Variants in TBC1D8 observed in about 807,000 individuals in gnomAD.
The protein encoded by TBC1D8 is TBC1 domain family member 8.
Under a neutral mutation model 118.8 loss-of-function variants are expected in TBC1D8, and 65 were observed. That is an observed-to-expected ratio of 0.55 (90% CI 0.45 to 0.67). TBC1D8 has a LOEUF of 0.67. Among genes scored for constraint, TBC1D8 ranks in the 30% least tolerant of loss-of-function variants. The pLI, the probability that TBC1D8 is intolerant of heterozygous loss-of-function variation, is 0.00. For missense variants in TBC1D8, 1,376 were observed against 1,471.2 expected (o/e 0.94, Z 1.06); for synonymous variants, 566 against 595.8 (o/e 0.95, Z 0.73).
chr2:101,050,250 G>T, intron 5 of TBC1D8, 151 bp downstream of exon 5: 1 of 1,149,102 alleles, frequency 8.7e-7, no homozygotes, highest in Non-Finnish European at 1.2e-6. Flanking sequence ...TCTCTGTCGA[G>T]ATTAACGACA....
intron 1 of TBC1D8, among the ~76,000 whole-genome samples, chr2:101,113,819 T>C (rs531980445): frequency 6.6e-6 from 1 of 152,264 alleles, no homozygotes; most frequent in Non-Finnish European, 1.5e-5. Flanking sequence ...AAACGGTTGC[T>C]CTGCGGCGGA....
At position 101,019,007 on chromosome 2, in the gene TBC1D8, TA is replaced by T. The variant is rs773286932; in HGVS notation, c.2827+2673del. Reference sequence around the variant, plus strand: ...AATATTTCTGTGCTAGTTTCTGTGCTAAACAGTGTTACAGTCGCCAAGAGCC... The same window carrying T: ...AATATTTCTGTGCTAGTTTCTGTGCTAACAGTGTTACAGTCGCCAAGAGCC... On this transcript the variant is annotated intron_variant, in intron 17 of 19. Coordinates refer to ENST00000409318, the MANE Select transcript of TBC1D8 (RefSeq NM_001330348.2). 5.5e-5 allele frequency: 88 copies of T among 1,612,600 alleles called. No homozygotes were observed. The highest frequency in any genetic ancestry group is 7.0e-5 in the Non-Finnish European group (82 of 1,179,444).
In TBC1D8 at chr2:101,007,837, T is replaced by C; in HGVS notation, c.3452A>G (p.Lys1151Arg). 1 of 1,613,780 alleles carries C rather than the reference T, an allele frequency of 6.2e-7. No individual in the cohort carries two copies. Among genetic ancestry groups the C allele is most frequent in the Non-Finnish European group, 8.5e-7 (1 of 1,179,836 alleles). The part of the protein sequence containing the change: ...EMSHQSQSEL[K>R]LSNL ...GCTGTCTTGCTACAAGTTACTCAGC[T>C]TAAGTTCAGATTGTGATTGGTGGCT... Residue 1151 changes from lysine (K) to arginine (R), a missense_variant, in exon 20 of 20, where the codon AAG becomes AGG. Coordinates refer to ENST00000409318, the MANE Select transcript of TBC1D8 (RefSeq NM_001330348.2).
Position 101,038,619 on chromosome 2 carries a change from G to A in TBC1D8, c.1117C>T (p.Leu373=), listed in dbSNP as rs1241939385. The change falls in exon 7 of 20, where the codon CTG becomes TTG. Residue 373 remains leucine, a synonymous_variant. Coordinates refer to ENST00000409318, the MANE Select transcript of TBC1D8 (RefSeq NM_001330348.2). ...ATACTGACAATGATGGGATGCGGCAGCAGGCTCGTGTCCTCCATCTTCTCG... is the reference window on the plus strand; with the variant it reads ...ATACTGACAATGATGGGATGCGGCAACAGGCTCGTGTCCTCCATCTTCTCG... ...SIEKMEDTSL[L]PHPIIVSIRS... is the part of the protein sequence containing the mutation. The A allele has an allele frequency of 1.2e-6, 2 of 1,613,892 alleles. No homozygotes were observed. The highest frequency in any genetic ancestry group is 2.7e-5 in the African/African-American group (2 of 74,944).
At chr2:101,066,578 A>G (rs574746996) in intron 2 of TBC1D8, among the ~76,000 whole-genome samples, 1 of 152,330 alleles carries the variant, frequency 6.6e-6, no homozygotes, top group East Asian at 1.9e-4. Flanking sequence ...CAAAAATATT[A>G]TGGGTTCAGT....
chr2:101,011,621 T>C lies in TBC1D8; in HGVS notation c.2828-81A>G, dbSNP rs537620745. Reference sequence around the variant, plus strand: ...ACAGTAATGTAGCTTTCTAGGCAACTAAAGGCTAAGCCAGCAGCTCCCAGC... The same window carrying C: ...ACAGTAATGTAGCTTTCTAGGCAACCAAAGGCTAAGCCAGCAGCTCCCAGC... On this transcript the variant is annotated intron_variant, in intron 17 of 19. Transcript: ENST00000409318. 1.2e-3 allele frequency: 1,821 copies of C among 1,468,340 alleles called. 19 individuals carry two copies. Among genetic ancestry groups the C allele is most frequent in the Middle Eastern group, 0.01 (58 of 5,752 alleles). The allele number at this position is 1,468,340 out of a possible 1,614,324, so 91.0% of individuals were successfully genotyped here. A position where few individuals can be genotyped will look rare whatever the true frequency, so the allele number is the denominator to read the frequency against.
At chr2:101,114,302 C>T (rs377257790) in intron 1 of TBC1D8, among the ~76,000 whole-genome samples, 1 of 152,080 alleles carries the variant, frequency 6.6e-6, no homozygotes, top group East Asian at 1.9e-4. Context: ...ACTACAGAAG[C>T]TTTCTCAAGT....
At chr2:101,124,901 A>G (rs1470964469) in intron 1 of TBC1D8, among the ~76,000 whole-genome samples, 1 of 152,234 alleles carries the variant, frequency 6.6e-6, no homozygotes, top group African/African-American at 2.4e-5. Flanking sequence ...CAGAAGGCCA[A>G]GTACCCACCA....
At chr2:101,039,960 G>C (rs1438268278) in intron 6 of TBC1D8, among the ~76,000 whole-genome samples, 1 of 152,094 alleles carries the variant, frequency 6.6e-6, no homozygotes, top group Non-Finnish European at 1.5e-5. Context: ...GCAAATTTCA[G>C]GATGCCATAG....
chr2:101,011,048 AT>A (rs753598194), intron 18 of TBC1D8, 22 bp from the exon 19 acceptor site: 94 of 1,602,398 alleles, frequency 5.9e-5, no homozygotes, highest in Non-Finnish European at 6.6e-5. Flanking sequence ...GGAAAACAAT[AT>A]GTGGTTTAAT....
At chr2:101,134,361 T>A (rs1257767696) in intron 1 of TBC1D8, among the ~76,000 whole-genome samples, 1 of 152,044 alleles carries the variant, frequency 6.6e-6, no homozygotes, top group African/African-American at 2.4e-5. Flanking sequence ...TAAGTTAGAG[T>A]CTTTATAAAT....
At chr2:101,019,074 C>T in intron 17 of TBC1D8, 3 of 1,597,482 alleles carry the variant, frequency 1.9e-6, no homozygotes, top group Non-Finnish European at 2.6e-6. Flanking sequence ...GGCCTTGGGT[C>T]TCGGCTCTTC....
intron 17 of TBC1D8, among the ~76,000 whole-genome samples, chr2:101,017,085 A>T (rs1396828999): frequency 9.9e-6 from 1 of 100,902 alleles, no homozygotes; most frequent in Non-Finnish European, 2.5e-5. Flanking sequence ...AAAAAAAAAA[A>T]AAAAAGACAA....
At chr2:101,028,238 C>A in intron 13 of TBC1D8, 65 bp downstream of exon 13, 1 of 1,590,674 alleles carries the variant, frequency 6.3e-7, no homozygotes, top group South Asian at 1.1e-5. Context: ...CCACATCCAT[C>A]CCCCAGTCAC....
intron 17 of TBC1D8, among the ~76,000 whole-genome samples, chr2:101,012,538 G>A (rs1679296293): frequency 1.3e-5 from 2 of 152,006 alleles, no homozygotes; most frequent in African/African-American, 2.4e-5. Flanking sequence ...TACACTGGTA[G>A]TGAGAGCTAA....
Position 101,022,369 on chromosome 2 carries a change from G to T in TBC1D8, c.2673C>A (p.His891Gln). 1.9e-6 allele frequency: 3 copies of T among 1,613,478 alleles called. No homozygotes were observed. Among genetic ancestry groups the T allele is most frequent in the Non-Finnish European group, 1.7e-6 (2 of 1,179,712 alleles). ...QLVSPWTCGAHTEILAERTFR... is the reference protein window; with the variant it reads ...QLVSPWTCGAQTEILAERTFR... Reference sequence around the variant, plus strand: ...ACGTCCTTTCGGCGAGGATCTCCGTGTGGGCCCCGCAGGTCCAGGGCGAGA... The same window carrying T: ...ACGTCCTTTCGGCGAGGATCTCCGTTTGGGCCCCGCAGGTCCAGGGCGAGA... The change falls in exon 16 of 20, where the codon CAC becomes CAA. Residue 891 changes from histidine to glutamine, a missense_variant. Transcript: ENST00000409318.
intron 1 of TBC1D8, among the ~76,000 whole-genome samples, chr2:101,095,299 G>A (rs1402572610): frequency 7.5e-6 from 1 of 134,104 alleles, no homozygotes; most frequent in Non-Finnish European, 1.7e-5. Flanking sequence ...TGTGCACAAT[G>A]TGCAGGTTTG....
intron 1 of TBC1D8, among the ~76,000 whole-genome samples, chr2:101,133,306 T>C (rs1678680033): frequency 6.6e-6 from 1 of 152,098 alleles, no homozygotes; most frequent in African/African-American, 2.4e-5. Flanking sequence ...CACTGCCAAA[T>C]GCTTCTGGGA....
intron 2 of TBC1D8, among the ~76,000 whole-genome samples, chr2:101,069,765 C>CTTTGAACCAAAT (rs1241998069): frequency 3.9e-5 from 6 of 152,082 alleles, no homozygotes; most frequent in Non-Finnish European, 5.9e-5. Flanking sequence ...AGCAGTTAAA[C>CTTTGAACCAAAT]TTTGAACCAA....
Sources: allele counts gnomAD v4.1 joint callset (sites outside exome capture counted in the v4.1 genomes callset), GRCh38; gene constraint gnomAD v4.1.1; transcripts MANE v1.5; gene names NCBI Gene and HGNC (gene_info 2026-07-23, HGNC 2026-07-21).